Variants in NINL observed in about 807,000 individuals in gnomAD.
NINL encodes ninein like.
Under a neutral mutation model 160.3 loss-of-function variants are expected in NINL, and 153 were observed. The observed-to-expected ratio is 0.95, with a 90% CI of 0.84 to 1.09. The LOEUF is 1.09. Ranked by LOEUF, NINL falls within the 50% of genes least tolerant of loss-of-function variation. The probability of loss-of-function intolerance (pLI) is 0.00; values close to 1 mark genes in which losing one functional copy is unlikely to be tolerated. For missense variants in NINL, 1,829 were observed against 1,764.0 expected (o/e 1.04, Z -0.66); for synonymous variants, 800 against 734.8 (o/e 1.09, Z -1.43).
chr20:25,545,873 T>C (rs950007882), intron 1 of NINL, among the ~76,000 whole-genome samples: 3 of 152,248 alleles, frequency 2.0e-5, no homozygotes, highest in African/African-American at 7.2e-5. Context: ...GAATCAGCTC[T>C]GATAAGACAC....
rs143361252 is a variant in NINL at position 25,519,636 on chromosome 20, C to T, written c.181-1787G>A. Among the ~76,000 whole-genome samples the T allele has an allele frequency of 2.8e-3, 433 of 152,204 alleles. 2 individuals are homozygous for T. Among genetic ancestry groups the T allele is most frequent in the African/African-American group, 9.1e-3 (379 of 41,522 alleles). ...ACAAATTGATACAGGCATAGTCATA[C>T]AATGAAATACCTGACAATGAAAAAG... On this transcript the variant is annotated intron_variant, in intron 2 of 23. Transcript: ENST00000278886.
At chr20:25,490,637 C>T (rs1314344611) in intron 11 of NINL, among the ~76,000 whole-genome samples, 3 of 152,022 alleles carry the variant, frequency 2.0e-5, no homozygotes, top group Non-Finnish European at 4.4e-5. Context: ...AGGCATCCTT[C>T]CAGAGCCATT....
Position 25,489,901 on chromosome 20 carries a change from C to T in NINL, c.1570G>A (p.Asp524Asn). The T allele has an allele frequency of 2.5e-6, 4 of 1,614,186 alleles. No homozygotes were observed. Among genetic ancestry groups the T allele is most frequent in the Non-Finnish European group, 3.4e-6 (4 of 1,180,024 alleles). The change falls in exon 12 of 24, where the codon GAC (aspartate) becomes AAC (asparagine). Residue 524 changes from aspartate (D) to asparagine (N), a missense_variant. Physicochemically the swap from Asp to Asn is conservative, Grantham distance 23. Transcript: ENST00000278886. Reference protein sequence around the residue: ...SERLALKLQKDLEFVLKDKLE... With the variant: ...SERLALKLQKNLEFVLKDKLE... ...TTGTCCTTCAGCACAAACTCCAGGTCCTTCTGCAGCTTCAGGGCCAGCCTC... is the reference window on the plus strand; with the variant it reads ...TTGTCCTTCAGCACAAACTCCAGGTTCTTCTGCAGCTTCAGGGCCAGCCTC...
chr20:25,560,579 T>C (rs1386500002), intron 1 of NINL, among the ~76,000 whole-genome samples: 1 of 152,164 alleles, frequency 6.6e-6, no homozygotes. Flanking sequence ...TCACTCTGGT[T>C]TCTGTCACTT....
At chr20:25,575,971 T>C (rs561549224) in intron 1 of NINL, among the ~76,000 whole-genome samples, 2 of 152,314 alleles carry the variant, frequency 1.3e-5, no homozygotes, top group South Asian at 4.1e-4. Flanking sequence ...TGTGCCCCTG[T>C]ATCCCTAAAT....
intron 5 of NINL, among the ~76,000 whole-genome samples, chr20:25,508,666 G>C (rs1046657819): frequency 6.6e-6 from 1 of 152,340 alleles, no homozygotes; most frequent in South Asian, 2.1e-4. Context: ...AACAGGGGGA[G>C]CTGGGGGGCG....
chr20:25,467,970 C>A (rs1489916924), intron 18 of NINL, among the ~76,000 whole-genome samples: 1 of 152,034 alleles, frequency 6.6e-6, no homozygotes, highest in Non-Finnish European at 1.5e-5. Flanking sequence ...AAGGGCAATC[C>A]CTGGGTACCT....
intron 1 of NINL, among the ~76,000 whole-genome samples, chr20:25,541,852 C>T (rs2064668185): frequency 6.6e-6 from 1 of 152,128 alleles, no homozygotes; most frequent in South Asian, 2.1e-4. Flanking sequence ...TGTAATAAGA[C>T]AAGAATCATC....
rs554842866 is a variant in NINL, at chr20:25,582,203, C to T, written c.-12+3252G>A. Among the ~76,000 whole-genome samples the T allele has an allele frequency of 1.4e-4, 21 of 152,080 alleles. No homozygotes were observed. The East Asian group carries it at 3.7e-3, about 27-fold the overall frequency. ...CTGGGAGGTGGAGGTAGCAGTGAGC[C>T]GAGATCGCGCCACTGCACTCCAGCC... On this transcript the variant is annotated intron_variant, in intron 1 of 23. Coordinates refer to ENST00000278886, the MANE Select transcript of NINL (RefSeq NM_025176.6).
At chr20:25,481,314 G>A (rs914742566) in intron 14 of NINL, among the ~76,000 whole-genome samples, 1 of 152,104 alleles carries the variant, frequency 6.6e-6, no homozygotes, top group Non-Finnish European at 1.5e-5. Context: ...TGCTGCTATT[G>A]AGTGGGCAGA....
chr20:25,477,035 G>C lies in NINL; in HGVS notation c.2256C>G (p.Pro752=), dbSNP rs747545691. ...SGELSGLGAL[P]ARRDLTLELE... is the part of the protein sequence containing the mutation. ...GCTCCAAGGTCAGGTCTCTGCGAGC[G>C]GGCAGGGCTCCCAGCCCCGACAGCT... Residue 752 remains proline (P), a synonymous_variant, in exon 17 of 24, where the codon CCC becomes CCG. Transcript: ENST00000278886. 16 of 1,599,320 alleles carry C rather than the reference G, an allele frequency of 1.0e-5. No individual in the cohort carries two copies. Among genetic ancestry groups the C allele is most frequent in the Non-Finnish European group, 1.3e-5 (15 of 1,179,662 alleles).
chr20:25,528,234 T>C (rs1375917381), intron 1 of NINL, among the ~76,000 whole-genome samples: 1 of 152,116 alleles, frequency 6.6e-6, no homozygotes, highest in African/African-American at 2.4e-5. Context: ...GGAGTCTCAC[T>C]ATGTTACCCA....
intron 1 of NINL, among the ~76,000 whole-genome samples, chr20:25,536,122 T>C (rs1354440546): frequency 6.6e-6 from 1 of 152,146 alleles, no homozygotes. Context: ...CCCAGGGCCT[T>C]CCATGTGCTC....
chr20:25,478,024 C>T (rs867863349), intron 16 of NINL, among the ~76,000 whole-genome samples: 23 of 151,274 alleles, frequency 1.5e-4, no homozygotes, highest in African/African-American at 4.9e-4. Context: ...TCTCGGCTCA[C>T]TGCAACCTCC....
In NINL at chr20:25,477,056, C is replaced by A. The variant is rs116865560; in HGVS notation, c.2235G>T (p.Leu745=). 3 of 1,598,126 alleles carry A rather than the reference C, an allele frequency of 1.9e-6. No homozygotes were observed. The East Asian group carries it at 6.7e-5, about 36-fold the overall frequency. ...GAGCGGGCAGGGCTCCCAGCCCCGACAGCTCTCCACTCAGCTCCGCCTCAG... is the reference window on the plus strand; with the variant it reads ...GAGCGGGCAGGGCTCCCAGCCCCGAAAGCTCTCCACTCAGCTCCGCCTCAG... ...REAEAELSGE[L]SGLGALPARR... is the part of the protein sequence containing the mutation. The change falls in exon 17 of 24, where the codon CTG becomes CTT. Residue 745 remains leucine, a synonymous_variant. Transcript: ENST00000278886.
At position 25,527,798 on chromosome 20, in the gene NINL, T is replaced by C. The variant is rs573320626; in HGVS notation, c.-11-1200A>G. On this transcript the variant is annotated intron_variant, in intron 1 of 23. Coordinates refer to ENST00000278886, the MANE Select transcript of NINL (RefSeq NM_025176.6). ...GGAATTGGCAAACATTTCTGGGGGG[T>C]ACTTTGTCTTTATATCAAGAATACT... Among the ~76,000 whole-genome samples the C allele has an allele frequency of 3.3e-5, 5 of 152,180 alleles. 1 individual carries two copies. The highest frequency in any genetic ancestry group is 3.3e-4 in the Admixed American group (5 of 15,292).
At chr20:25,517,607 T>C (rs1008616056) in intron 3 of NINL, 146 bp downstream of exon 3, 2 of 625,838 alleles carry the variant, frequency 3.2e-6, no homozygotes, top group South Asian at 2.2e-5. Context: ...ACATCAAGTG[T>C]TTTTTCCAAG....
intron 1 of NINL, among the ~76,000 whole-genome samples, chr20:25,584,704 GA>G (rs1215035304): frequency 6.6e-6 from 1 of 152,124 alleles, no homozygotes; most frequent in Non-Finnish European, 1.5e-5. Flanking sequence ...AAGTCTCACA[GA>G]GCAGAAAGAA....
Position 25,504,120 on chromosome 20 carries a change from CA to C in NINL, c.709-17del. On this transcript the variant is annotated splice_polypyrimidine_tract_variant and intron_variant, in intron 6 of 23. Transcript: ENST00000278886. ...CTTCGAGTTCCTAAACAAAAGCCGT[CA>C]TATCTCAGGCCCACCCACAAGAGCT... 1 of 1,551,462 alleles carries C rather than the reference CA, an allele frequency of 6.4e-7. No homozygotes were observed. The highest frequency in any genetic ancestry group is 8.7e-7 in the Non-Finnish European group (1 of 1,149,920).
Sources: gnomAD v4.1 joint callset for allele counts (sites outside exome capture counted in the v4.1 genomes callset) on GRCh38, gnomAD v4.1.1 for gene constraint, MANE v1.5 for transcripts, NCBI Gene and HGNC (gene_info 2026-07-23, HGNC 2026-07-21) for gene names.